Variants in RBFOX1 observed in about 807,000 individuals in gnomAD.
The protein encoded by RBFOX1 is RNA binding protein fox-1 homolog 1.
RBFOX1 carries 8 observed loss-of-function variants against 57.7 expected under a neutral mutation model. The observed-to-expected ratio is 0.14, with a 90% CI of 0.08 to 0.25. The LOEUF is 0.25. Among genes scored for constraint, RBFOX1 ranks in the 10% least tolerant of loss-of-function variants. The pLI is 1.00. For synonymous variants in RBFOX1, 326 were observed against 222.4 expected, an observed-to-expected ratio of 1.47 and a Z score of -4.15; for missense variants, 611 against 548.5, an observed-to-expected ratio of 1.11 and a Z score of -1.14.
At chr16:6,754,037 C>T (rs953671761) in intron 3 of RBFOX1, among the ~76,000 whole-genome samples, 1 of 152,056 alleles carries the variant, frequency 6.6e-6, no homozygotes, top group African/African-American at 2.4e-5. Flanking sequence ...GTAGTTTATC[C>T]AATATACATA....
intron 3 of RBFOX1, among the ~76,000 whole-genome samples, chr16:6,813,620 A>G (rs968521113): frequency 6.6e-5 from 10 of 152,164 alleles, no homozygotes; most frequent in African/African-American, 2.4e-4. Context: ...CTCAAAATCA[A>G]TCTGAAGAAC....
chr16:6,735,005 T>C (rs1275717046), intron 3 of RBFOX1, among the ~76,000 whole-genome samples: 1 of 152,062 alleles, frequency 6.6e-6, no homozygotes, highest in Non-Finnish European at 1.5e-5. Context: ...CCTGTTGTGG[T>C]AGCACAGTGT....
chr16:5,368,200 C>T (rs914084535), intron 1 of RBFOX1, among the ~76,000 whole-genome samples: 3 of 152,216 alleles, frequency 2.0e-5, no homozygotes, highest in Admixed American at 6.5e-5. Flanking sequence ...TGAAGCTGCT[C>T]ATGTGGTTAT....
chr16:5,623,154 A>T (rs1436697509), intron 3 of RBFOX1, among the ~76,000 whole-genome samples: 2 of 152,186 alleles, frequency 1.3e-5, no homozygotes, highest in African/African-American at 4.8e-5. Context: ...TAGTCTAAAG[A>T]AAGCCACCAG....
chr16:6,923,905 T>C (rs918289620), intron 3 of RBFOX1, among the ~76,000 whole-genome samples: 3 of 152,116 alleles, frequency 2.0e-5, no homozygotes, highest in African/African-American at 7.2e-5. Flanking sequence ...TTGTGGTGGC[T>C]GACACCTGTA....
chr16:5,972,247 C>T (rs759377649), intron 4 of RBFOX1, among the ~76,000 whole-genome samples: 5 of 152,172 alleles, frequency 3.3e-5, no homozygotes, highest in Non-Finnish European at 5.9e-5. Context: ...TTCTGATCCT[C>T]TGGAGAACCC....
intron 1 of RBFOX1, among the ~76,000 whole-genome samples, chr16:5,290,897 C>G (rs1278249102): frequency 6.6e-6 from 1 of 152,028 alleles, no homozygotes. Context: ...TGGGGTTTCA[C>G]CATGTTGACC....
At chr16:6,426,540 A>T (rs2093933848) in intron 2 of RBFOX1, among the ~76,000 whole-genome samples, 1 of 152,042 alleles carries the variant, frequency 6.6e-6, no homozygotes, top group Non-Finnish European at 1.5e-5. Context: ...CCGAGGTGGG[A>T]GGATCTCTTG....
intron 4 of RBFOX1, among the ~76,000 whole-genome samples, chr16:7,474,010 C>T (rs548731035): frequency 2.6e-5 from 4 of 152,060 alleles, no homozygotes; most frequent in African/African-American, 4.8e-5. Context: ...GCCCCCCGGC[C>T]GGGCATGGTG....
intron 10 of RBFOX1, among the ~76,000 whole-genome samples, chr16:7,610,670 G>T (rs962529158): frequency 3.9e-5 from 6 of 152,142 alleles, no homozygotes; most frequent in African/African-American, 1.4e-4. Flanking sequence ...AGAAATGTGG[G>T]GACATGTAGC....
At chr16:6,138,041 G>A (rs2096681551) in intron 1 of RBFOX1, among the ~76,000 whole-genome samples, 1 of 152,148 alleles carries the variant, frequency 6.6e-6, no homozygotes, top group Non-Finnish European at 1.5e-5. Flanking sequence ...ATCCTAGGTG[G>A]TCTGGCTAGT....
chr16:6,082,771 T>C (rs1315462199), intron 1 of RBFOX1, among the ~76,000 whole-genome samples: 1 of 152,000 alleles, frequency 6.6e-6, no homozygotes, highest in Non-Finnish European at 1.5e-5. Context: ...GAAGAGAGAA[T>C]ACCCTGAGGA....
chr16:7,170,891 G>A (rs980746988), intron 4 of RBFOX1, among the ~76,000 whole-genome samples: 10 of 152,124 alleles, frequency 6.6e-5, no homozygotes, highest in East Asian at 5.8e-4. Flanking sequence ...TCATCAAAAC[G>A]TCCAGCTCTG....
At chr16:7,416,094 C>G (rs557323594) in intron 4 of RBFOX1, among the ~76,000 whole-genome samples, 1 of 152,146 alleles carries the variant, frequency 6.6e-6, no homozygotes, top group Non-Finnish European at 1.5e-5. Context: ...CTCCAGCCCC[C>G]CAATCTGAAA....
At chr16:7,427,588 T>G (rs368906038) in intron 4 of RBFOX1, among the ~76,000 whole-genome samples, 4 of 152,198 alleles carry the variant, frequency 2.6e-5, no homozygotes, top group African/African-American at 9.6e-5. Flanking sequence ...CCAAGCTAAT[T>G]TAACTCTTTC....
At chr16:6,578,598 C>CGTGTGTATGTGTGTGT (rs2097482834) in intron 2 of RBFOX1, among the ~76,000 whole-genome samples, 1 of 110,666 alleles carries the variant, frequency 9.0e-6, no homozygotes, top group Non-Finnish European at 2.1e-5. Flanking sequence ...GGTGTGTGTG[C>CGTGTGTATGTGTGTGT]GTGTGTGTGT....
chr16:6,250,686 G>A (rs1327203465), intron 1 of RBFOX1, among the ~76,000 whole-genome samples: 1 of 152,170 alleles, frequency 6.6e-6, no homozygotes. Flanking sequence ...CCTGCCGGCT[G>A]TTCTCAGCAT....
At chr16:7,439,039 G>A (rs528841584) in intron 4 of RBFOX1, among the ~76,000 whole-genome samples, 3 of 152,246 alleles carry the variant, frequency 2.0e-5, no homozygotes, top group South Asian at 4.1e-4. Context: ...GGAAACCACC[G>A]CACTTTGTTT....
In RBFOX1 at chr16:6,217,567, C is replaced by T. The variant is rs550038456; in HGVS notation, c.-126-99428C>T. Among the ~76,000 whole-genome samples, 90 of 152,286 alleles carry T rather than the reference C, an allele frequency of 5.9e-4. 1 individual carries two copies. The highest frequency in any genetic ancestry group is 6.8e-3 in the Middle Eastern group (2 of 294). On this transcript the variant is annotated intron_variant, in intron 1 of 15. Transcript: ENST00000550418. ...CCTTTGCATCCAGAAGAAGACTGTG[C>T]GCCTCCTGTCCCAGGCCCCTGGGTG...
Sources: gnomAD v4.1 joint callset for allele counts (sites outside exome capture counted in the v4.1 genomes callset) on GRCh38, gnomAD v4.1.1 for gene constraint, MANE v1.5 for transcripts, NCBI Gene and HGNC (gene_info 2026-07-23, HGNC 2026-07-21) for gene names.